FOXA2: variants seen among roughly 807,000 people sequenced by gnomAD.
FOXA2 encodes hepatocyte nuclear factor 3-beta.
A neutral mutation model predicts 33.3 loss-of-function variants in FOXA2; 9 were observed. The ratio of observed to expected loss-of-function variants is 0.27; its 90% CI spans 0.16 to 0.47. The LOEUF is 0.47. FOXA2 is among the 20% of genes least tolerant of loss of function. The pLI, the probability that FOXA2 is intolerant of heterozygous loss-of-function variation, is 0.99. For synonymous variants in FOXA2, 329 were observed against 289.4 expected (o/e 1.14, Z -1.39); for missense variants, 704 against 659.9 (o/e 1.07, Z -0.73).
At position 22,582,319 on chromosome 20, in the gene FOXA2, T is replaced by C. The variant is rs1444891522; in HGVS notation, c.923A>G (p.Glu308Gly). 6.8e-7 allele frequency: 1 copy of C among 1,475,302 alleles called. No homozygotes were observed. The highest frequency in any genetic ancestry group is 8.9e-7 in the Non-Finnish European group (1 of 1,122,292). The allele number at this position is 1,475,302 out of a possible 1,614,324, so 91.4% of individuals were successfully genotyped here. A position where few individuals can be genotyped will look rare whatever the true frequency, so the allele number is the denominator to read the frequency against. ...CGGGGAGGCGCTCGAGTGAGGCGAC[T>C]CGGTGCCCGCCGGAGTCTCGGAGGC... is the stretch of plus-strand genomic sequence containing the variant. ...GPASETPAGT[E>G]SPHSSASPCQ... Residue 308 changes from glutamate (E) to glycine (G), a missense_variant, in exon 2 of 2, where the codon GAG becomes GGG. Physicochemically the swap from Glu to Gly is moderately conservative, Grantham distance 98 (BLOSUM62 -2). Around this residue, in one of 5 missense-constraint regions of FOXA2, gnomAD observed 343 missense variants for 274.8 expected, o/e 1.25. Transcript: ENST00000419308.
At position 22,582,063 on chromosome 20, in the gene FOXA2, C is replaced by T; in HGVS notation, c.1179G>A (p.Gln393=). 1 of 1,613,384 alleles carries T rather than the reference C, an allele frequency of 6.2e-7. No homozygotes were observed. The highest frequency in any genetic ancestry group is 8.5e-7 in the Non-Finnish European group (1 of 1,179,362). The stretch of plus-strand genomic sequence containing the variant: ...GGTGGTGGTGGTGGCTGTGGTGGTG[C>T]TGCTGCTCCGAGGACATGAGGTTGT... ...SINNLMSSEQ[Q]HHHSHHHHQP... The change falls in exon 2 of 2, where the codon CAG becomes CAA. Residue 393 remains glutamine, a synonymous_variant. Transcript: ENST00000419308.
upstream of FOXA2, among the ~76,000 whole-genome samples, chr20:22,584,714 A>AGGAGGAGGAGGT (rs1984717301): frequency 6.9e-6 from 1 of 145,760 alleles, no homozygotes; most frequent in East Asian, 2.1e-4. Flanking sequence ...GAGGAGGAGG[A>AGGAGGAGGAGGT]GGTGTGGACC....
chr20:22,584,320 C>A lies in FOXA2; in HGVS notation c.-42G>T. ...ACAGCCACAACAAACGACCAGCAAT[C>A]ACCCCCCACCCCCACCCTCTTTTAA... On this transcript the variant is annotated 5_prime_UTR_variant, in exon 1 of 2. Transcript: ENST00000419308. The A allele has an allele frequency of 6.6e-7, 1 of 1,518,872 alleles. No homozygotes were observed. Among genetic ancestry groups the A allele is most frequent in the Non-Finnish European group, 9.1e-7 (1 of 1,098,662 alleles). The allele number at this position is 1,518,872 out of a possible 1,614,324, so 94.1% of individuals were successfully genotyped here.
In FOXA2 at chr20:22,582,406, C is replaced by T. The variant is rs767670886; in HGVS notation, c.836G>A (p.Gly279Asp). The T allele has an allele frequency of 2.6e-6, 4 of 1,564,944 alleles. No individual in the cohort carries two copies. The highest frequency in any genetic ancestry group is 1.2e-5 in the South Asian group (1 of 84,132). Reference protein sequence around the residue: ...LKEAAGAAGSGKKAAAGAQAS... With the variant: ...LKEAAGAAGSDKKAAAGAQAS... ...CTGGGCTCCGGCGGCCGCCTTCTTGCCGCTGCCGGCGGCGCCTGCGGCCTC... is the reference window on the plus strand; with the variant it reads ...CTGGGCTCCGGCGGCCGCCTTCTTGTCGCTGCCGGCGGCGCCTGCGGCCTC... The change falls in exon 2 of 2, where the codon GGC becomes GAC. Residue 279 changes from glycine to aspartate, a missense_variant. Around this residue, in one of 5 missense-constraint regions of FOXA2, gnomAD observed 343 missense variants for 274.8 expected, o/e 1.25. Coordinates refer to ENST00000419308, the MANE Select transcript of FOXA2 (RefSeq NM_021784.5).
At position 22,584,403 on chromosome 20, in the gene FOXA2, C is replaced by T. The variant is rs1372373181; in HGVS notation, c.-125G>A. ...CCTCCCTCTCTCGCGCTCCCTCTCC[C>T]TGGGCTCCACTCCCTCTCTCTCCCT... is the stretch of plus-strand genomic sequence containing the variant. On this transcript the variant is annotated 5_prime_UTR_variant, in exon 1 of 2. Coordinates refer to ENST00000419308, the MANE Select transcript of FOXA2 (RefSeq NM_021784.5). The T allele has an allele frequency of 8.2e-6, 6 of 732,432 alleles. No homozygotes were observed. Among genetic ancestry groups the T allele is most frequent in the Non-Finnish European group, 1.4e-5 (6 of 425,848 alleles). 45.4% of individuals were successfully genotyped at this position (732,432 alleles called of 1,614,324 possible).
chr20:22,585,429 G>GC (rs1984743095), upstream of FOXA2: 1 of 152,232 alleles, frequency 6.6e-6, no homozygotes, highest in African/African-American at 2.4e-5. Context: ...GGGGCGGCCG[G>GC]CGCCTGGCGC....
chr20:22,583,820 T>A (rs1984672140), intron 1 of FOXA2, among the ~76,000 whole-genome samples: 1 of 152,044 alleles, frequency 6.6e-6, no homozygotes, highest in Non-Finnish European at 1.5e-5. Flanking sequence ...CTGCCTCCAC[T>A]TCAGCCCCCA....
intron 1 of FOXA2, among the ~76,000 whole-genome samples, chr20:22,583,867 C>T (rs926104196): frequency 6.6e-6 from 1 of 152,144 alleles, no homozygotes; most frequent in African/African-American, 2.4e-5. Context: ...CTCCCCACCC[C>T]CTCGCCGGCC....
At position 22,581,749 on chromosome 20, in the gene FOXA2, C is replaced by T; in HGVS notation, c.*101G>A. On this transcript the variant is annotated 3_prime_UTR_variant, in exon 2 of 2. Coordinates refer to ENST00000419308, the MANE Select transcript of FOXA2 (RefSeq NM_021784.5). ...GTTATGGATTTCTTCTCCCTTGCGT[C>T]TCTGCAACACCGTCTCCCCAAAGTC... 3.6e-6 allele frequency: 4 copies of T among 1,124,824 alleles called. No homozygotes were observed. The highest frequency in any genetic ancestry group is 2.8e-5 in the South Asian group (2 of 70,488). The allele number at this position is 1,124,824 out of a possible 1,614,324, so 69.7% of individuals were successfully genotyped here.
rs1000160923 is a variant in FOXA2, at chr20:22,584,371, C to A, written c.-93G>T. The A allele has an allele frequency of 1.7e-3, 1,667 of 991,262 alleles. 6 individuals carry two copies. The highest frequency in any genetic ancestry group is 2.2e-3 in the Non-Finnish European group (1,379 of 639,200). 61.4% of individuals were successfully genotyped at this position (991,262 alleles called of 1,614,324 possible). On this transcript the variant is annotated 5_prime_UTR_variant, in exon 1 of 2. Coordinates refer to ENST00000419308, the MANE Select transcript of FOXA2 (RefSeq NM_021784.5). The stretch of plus-strand genomic sequence containing the variant: ...AAAAAAGTCAGCCAAAGCACCGTCC[C>A]CTCCTCCCTCCCTCTCTCGCGCTCC...
chr20:22,585,009 G>A (rs995207902), upstream of FOXA2, among the ~76,000 whole-genome samples: 2 of 150,798 alleles, frequency 1.3e-5, no homozygotes, highest in African/African-American at 5.0e-5. Context: ...GGTCCACAGC[G>A]AGTCCCCTGA....
intron 1 of FOXA2, among the ~76,000 whole-genome samples, chr20:22,583,637 T>C (rs1422213014): frequency 1.3e-5 from 2 of 152,146 alleles, no homozygotes; most frequent in Non-Finnish European, 2.9e-5. Flanking sequence ...CCGGTCTCCC[T>C]CCAGGGACCC....
In FOXA2 at chr20:22,582,988, C is replaced by A; in HGVS notation, c.254G>T (p.Gly85Val). 6.2e-7 allele frequency: 1 copy of A among 1,605,822 alleles called. No homozygotes were observed. The highest frequency in any genetic ancestry group is 8.5e-7 in the Non-Finnish European group (1 of 1,178,146). ...VGAGMSPSLA[G>V]MSPGAGAMAG... Reference sequence around the variant, plus strand: ...CATGGCGCCCGCGCCGGGGGACATCCCCGCCAGGGACGGGCTCATGCCAGC... The same window carrying A: ...CATGGCGCCCGCGCCGGGGGACATCACCGCCAGGGACGGGCTCATGCCAGC... Residue 85 changes from glycine to valine, a missense_variant, in exon 2 of 2, where the codon GGG (glycine) becomes GTG (valine). Transcript: ENST00000419308.
chr20:22,582,357 C>G lies in FOXA2; in HGVS notation c.885G>C (p.Glu295Asp). ...GAGTCTCGGAGGCCGGCCCGGCGGC[C>G]TCCCCGAGTTGAGCCTGTGAGGCCT... is the stretch of plus-strand genomic sequence containing the variant. ...GAQASQAQLG[E>D]AAGPASETPA... is the part of the protein sequence containing the mutation. The change falls in exon 2 of 2, where the codon GAG becomes GAC. Residue 295 changes from glutamate to aspartate, a missense_variant. Coordinates refer to ENST00000419308, the MANE Select transcript of FOXA2 (RefSeq NM_021784.5). The G allele has an allele frequency of 6.7e-7, 1 of 1,487,886 alleles. No homozygotes were observed. Among genetic ancestry groups the G allele is most frequent in the Non-Finnish European group, 8.9e-7 (1 of 1,128,016 alleles). The allele number at this position is 1,487,886 out of a possible 1,614,324, so 92.2% of individuals were successfully genotyped here. A position where few individuals can be genotyped will look rare whatever the true frequency, so the allele number is the denominator to read the frequency against.
rs1278401865 is a variant in FOXA2, at chr20:22,581,459, A to C, written c.*391T>G. ...TGGTTTTACACCGAGTCACTCACAA[A>C]ATTTTTTTTTTTTTTTAAGTAAGAC... is the stretch of plus-strand genomic sequence containing the variant. On this transcript the variant is annotated 3_prime_UTR_variant, in exon 2 of 2. Coordinates refer to ENST00000419308, the MANE Select transcript of FOXA2 (RefSeq NM_021784.5). 6.4e-6 allele frequency: 1 copy of C among 157,450 alleles called. No individual in the cohort carries two copies. The highest frequency in any genetic ancestry group is 3.1e-5 in the African/African-American group (1 of 32,742). 9.8% of individuals were successfully genotyped at this position (157,450 alleles called of 1,614,324 possible). A position where few individuals can be genotyped will look rare whatever the true frequency, so the allele number is the denominator to read the frequency against.
chr20:22,584,412 A>G lies in FOXA2; in HGVS notation c.-134T>C. The G allele has an allele frequency of 1.5e-6, 1 of 655,046 alleles. No homozygotes were observed. The highest frequency in any genetic ancestry group is 2.6e-6 in the Non-Finnish European group (1 of 377,394). The allele number at this position is 655,046 out of a possible 1,614,324, so 40.6% of individuals were successfully genotyped here. On this transcript the variant is annotated 5_prime_UTR_variant, in exon 1 of 2. Transcript: ENST00000419308. ...CTCGCGCTCCCTCTCCCTGGGCTCC[A>G]CTCCCTCTCTCTCCCTGGGCAGGCC...
At position 22,581,728 on chromosome 20, in the gene FOXA2, T is replaced by C. The variant is rs528733192; in HGVS notation, c.*122A>G. 1.6e-5 allele frequency: 15 copies of C among 913,138 alleles called. No individual in the cohort carries two copies. In the East Asian group the frequency reaches 3.4e-4, roughly 21 times the overall value. 56.6% of individuals were successfully genotyped at this position (913,138 alleles called of 1,614,324 possible). A position where few individuals can be genotyped will look rare whatever the true frequency, so the allele number is the denominator to read the frequency against. The stretch of plus-strand genomic sequence containing the variant: ...TGGGGGTGTTGGGGTGGGGGTGTTA[T>C]GGATTTCTTCTCCCTTGCGTCTCTG... On this transcript the variant is annotated 3_prime_UTR_variant, in exon 2 of 2. Coordinates refer to ENST00000419308, the MANE Select transcript of FOXA2 (RefSeq NM_021784.5).
Position 22,583,029 on chromosome 20 carries a change from C to T in FOXA2, c.213G>A (p.Met71Ile). The change falls in exon 2 of 2, where the codon ATG becomes ATA. Residue 71 changes from methionine to isoleucine, a missense_variant. Physicochemically the swap from Met to Ile is conservative, Grantham distance 10 (BLOSUM62 1). This residue lies in a region of FOXA2 where 304 missense variants were observed against 251.7 expected (regional missense o/e 1.21). Transcript: ENST00000419308. ...SGNMSAGSMN[M>I]SSYVGAGMSP... ...TCATGCCAGCGCCCACGTACGACGA[C>T]ATGTTCATGGAGCCCGCGCTCATGT... The T allele has an allele frequency of 1.2e-6, 2 of 1,610,022 alleles. No homozygotes were observed. Among genetic ancestry groups the T allele is most frequent in the Non-Finnish European group, 1.7e-6 (2 of 1,179,644 alleles).
chr20:22,583,549 C>T (rs573040510), intron 1 of FOXA2, among the ~76,000 whole-genome samples: 1 of 152,362 alleles, frequency 6.6e-6, no homozygotes, highest in African/African-American at 2.4e-5. Context: ...CACCTCCGGT[C>T]GCAGCAAGCA....
Sources: gnomAD v4.1 joint callset for allele counts (sites outside exome capture counted in the v4.1 genomes callset) on GRCh38, gnomAD v4.1.1 for gene constraint, gnomAD v4.1.1 regional missense constraint, MANE v1.5 for transcripts, NCBI Gene and HGNC (gene_info 2026-07-23, HGNC 2026-07-21) for gene names.